The following NBL1 variants were observed in gnomAD, a reference collection of about 807,000 sequenced individuals.
The protein encoded by NBL1 is NBL1, DAN family BMP antagonist.
A neutral mutation model predicts 16.0 loss-of-function variants in NBL1; 9 were observed. The ratio of observed to expected loss-of-function variants is 0.56; its 90% CI spans 0.34 to 0.98. NBL1 has a LOEUF of 0.98. Among genes scored for constraint, NBL1 ranks in the 50% least tolerant of loss-of-function variants. NBL1 has a pLI of 0.02. For synonymous variants in NBL1, 86 were observed against 100.7 expected (o/e 0.85, Z 0.87); for missense variants, 196 against 243.1 (o/e 0.81, Z 1.29).
In NBL1 at chr1:19,657,372, G is replaced by GT. The variant is rs1553315040; in HGVS notation, c.*243_*244insT. On this transcript the variant is annotated 3_prime_UTR_variant, in exon 4 of 4. Coordinates refer to ENST00000375136, the MANE Select transcript of NBL1 (RefSeq NM_005380.8). ...AGAGGTCTTCAGGGCTCTTTTTTTG[G>GT]GGGGGGTGGTCTCTTCCTGTCTGGC... The GT allele has an allele frequency of 1.5e-5, 4 of 262,884 alleles. No homozygotes were observed. In the East Asian group the frequency reaches 2.6e-4, roughly 17 times the overall value. The allele number at this position is 262,884 out of a possible 1,614,324, so 16.3% of individuals were successfully genotyped here. A position where few individuals can be genotyped will look rare whatever the true frequency, so the allele number is the denominator to read the frequency against.
rs1021552803 is a variant in NBL1 at position 19,657,835 on chromosome 1, G to A, written c.*706G>A. On this transcript the variant is annotated 3_prime_UTR_variant, in exon 4 of 4. Transcript: ENST00000375136. ...GGAGGAGGGGAAGAAGGAAAGGGAA[G>A]AGTCTTCCAAGGCCAGAAGGAGGGG... The A allele has an allele frequency of 1.3e-5, 2 of 152,864 alleles. No homozygotes were observed. The highest frequency in any genetic ancestry group is 1.5e-5 in the Non-Finnish European group (1 of 68,210). 9.5% of individuals were successfully genotyped at this position (152,864 alleles called of 1,614,324 possible).
At chr1:19,645,199 G>T (rs1318011094) in intron 1 of NBL1, among the ~76,000 whole-genome samples, 2 of 152,178 alleles carry the variant, frequency 1.3e-5, no homozygotes, top group Non-Finnish European at 2.9e-5. Context: ...CCTCCCGCCG[G>T]CCCCGAGGCC....
At position 19,657,767 on chromosome 1, in the gene NBL1, C is replaced by G. The variant is rs145783966; in HGVS notation, c.*638C>G. On this transcript the variant is annotated 3_prime_UTR_variant, in exon 4 of 4. Coordinates refer to ENST00000375136, the MANE Select transcript of NBL1 (RefSeq NM_005380.8). Reference sequence around the variant, plus strand: ...CGCGGGAGCTGGGAGCCAGGCTCTCCGGGCCTTTCTCTGGCTTCCTTGGCT... The same window carrying G: ...CGCGGGAGCTGGGAGCCAGGCTCTCGGGGCCTTTCTCTGGCTTCCTTGGCT... 6.5e-6 allele frequency: 1 copy of G among 152,828 alleles called. No individual in the cohort carries two copies. Among genetic ancestry groups the G allele is most frequent in the Non-Finnish European group, 1.5e-5 (1 of 68,242 alleles). The allele number at this position is 152,828 out of a possible 1,614,324, so 9.5% of individuals were successfully genotyped here. A position where few individuals can be genotyped will look rare whatever the true frequency, so the allele number is the denominator to read the frequency against.
chr1:19,652,461 C>CA (rs1553314010), intron 1 of NBL1, among the ~76,000 whole-genome samples: 10 of 151,822 alleles, frequency 6.6e-5, no homozygotes, highest in Non-Finnish European at 1.3e-4. Flanking sequence ...TGGGAGGCGG[C>CA]GGGGGGGCAG....
At position 19,644,978 on chromosome 1, in the gene NBL1, T is replaced by C. The variant is rs77787313; in HGVS notation, c.-20+532T>C. Among the ~76,000 whole-genome samples, 554 of 152,258 alleles carry C rather than the reference T, an allele frequency of 3.6e-3. 5 individuals carry two copies. The highest frequency in any genetic ancestry group is 0.01 in the African/African-American group (423 of 41,562). ...TTCCGTTCCCCGCCTGCCTCCGTGTTCGGCTGCCCGCGTTTGTGTCTCTGC... is the reference window on the plus strand; with the variant it reads ...TTCCGTTCCCCGCCTGCCTCCGTGTCCGGCTGCCCGCGTTTGTGTCTCTGC... On this transcript the variant is annotated intron_variant, in intron 1 of 3. Transcript: ENST00000375136. This position sits in a 1 kb window ranked among gnomAD's most constrained non-coding sequence, Gnocchi z 4.6.
chr1:19,656,963 C>A lies in NBL1; in HGVS notation c.380C>A (p.Pro127His). 6.2e-7 allele frequency: 1 copy of A among 1,611,930 alleles called. No individual in the cohort carries two copies. The highest frequency in any genetic ancestry group is 1.1e-5 in the South Asian group (1 of 90,636). The part of the protein sequence containing the change: ...HCSCQACGKE[P>H]SHEGLSVYVQ... ...AGCTGCCAGGCCTGCGGCAAGGAGC[C>A]TAGTCACGAGGGGCTGAGCGTCTAT... The change falls in exon 4 of 4, where the codon CCT becomes CAT. Residue 127 changes from proline to histidine, a missense_variant. Physicochemically the swap from Pro to His is moderately conservative, Grantham distance 77 (BLOSUM62 -2). Transcript: ENST00000375136.
chr1:19,646,268 A>G (rs572905251), intron 1 of NBL1, among the ~76,000 whole-genome samples: 1 of 152,302 alleles, frequency 6.6e-6, no homozygotes, highest in East Asian at 1.9e-4. Context: ...TCCCTGGGGG[A>G]TCTGCTGAAA....
At chr1:19,644,056 G>A (rs2094962229), upstream of NBL1, 1 of 977,482 alleles carries the variant, frequency 1.0e-6, no homozygotes, top group Non-Finnish European at 1.2e-6. The surrounding 1 kb of genome is among the most constrained non-coding windows in gnomAD (Gnocchi z 4.6). Context: ...CTCGGGCGCC[G>A]GCCAGGCGTC....
At chr1:19,647,882 TGC>T (rs1553313284) in intron 1 of NBL1, among the ~76,000 whole-genome samples, 32 of 137,184 alleles carry the variant, frequency 2.3e-4, no homozygotes, top group Admixed American at 6.4e-4. Flanking sequence ...TGTGTGTGTG[TGC>T]GTGTGCGCGC....
intron 1 of NBL1, among the ~76,000 whole-genome samples, chr1:19,654,672 T>C (rs1433775955): frequency 6.6e-6 from 1 of 152,128 alleles, no homozygotes; most frequent in Non-Finnish European, 1.5e-5. Context: ...CATCTCCCCT[T>C]TTTAGATGAA....
intron 3 of NBL1, among the ~76,000 whole-genome samples, chr1:19,655,875 A>C (rs1157409971): frequency 5.9e-5 from 9 of 152,042 alleles, no homozygotes; most frequent in Non-Finnish European, 1.0e-4. Context: ...CTTCTACCCC[A>C]GGGCCCTTGC....
chr1:19,655,715 A>G (rs779728799), intron 3 of NBL1, among the ~76,000 whole-genome samples: 9 of 152,212 alleles, frequency 5.9e-5, no homozygotes, highest in Non-Finnish European at 8.8e-5. Context: ...CTGTTGTTAT[A>G]GGATGAGACC....
At chr1:19,651,974 T>C (rs2254885) in intron 1 of NBL1, among the ~76,000 whole-genome samples, 151,667 of 152,354 alleles carry the variant, frequency 1, 75,491 homozygotes, top group East Asian at 1. Context: ...GACTCCTGAG[T>C]TCAAGTGGTC....
chr1:19,652,022 T>A (rs1458205244), intron 1 of NBL1, among the ~76,000 whole-genome samples: 3 of 152,082 alleles, frequency 2.0e-5, no homozygotes, highest in Non-Finnish European at 4.4e-5. Flanking sequence ...GAATTACAGG[T>A]GTGAGCCACC....
intron 1 of NBL1, chr1:19,645,918 G>T: frequency 6.5e-7 from 1 of 1,549,898 alleles, no homozygotes; most frequent in South Asian, 1.2e-5. Context: ...CAGGGTTGTT[G>T]GTGAGGTCTG....
intron 1 of NBL1, among the ~76,000 whole-genome samples, chr1:19,648,105 A>G (rs1423235682): frequency 1.3e-5 from 2 of 151,828 alleles, no homozygotes; most frequent in African/African-American, 4.8e-5. Flanking sequence ...TTCAGACTTA[A>G]CCCAGAAGAG....
intron 1 of NBL1, among the ~76,000 whole-genome samples, chr1:19,651,533 C>G (rs2095025532): frequency 6.6e-6 from 1 of 152,196 alleles, no homozygotes; most frequent in Non-Finnish European, 1.5e-5. Flanking sequence ...CCCAGTAAGC[C>G]TCCATTAGCC....
At chr1:19,655,700 G>A (rs1008378754) in intron 3 of NBL1, among the ~76,000 whole-genome samples, 1 of 152,198 alleles carries the variant, frequency 6.6e-6, no homozygotes, top group Non-Finnish European at 1.5e-5. Context: ...CCTTTCAGGG[G>A]CTTCCTGTTG....
chr1:19,653,074 T>G (rs1376920527), intron 1 of NBL1, among the ~76,000 whole-genome samples: 2 of 151,298 alleles, frequency 1.3e-5, no homozygotes, highest in Non-Finnish European at 2.9e-5. Flanking sequence ...GATCACGAGG[T>G]CAGGAGATCG....
Sources: gnomAD v4.1 joint callset for allele counts (sites outside exome capture counted in the v4.1 genomes callset) on GRCh38, gnomAD v4.1.1 for gene constraint, Gnocchi (gnomAD v3.1) non-coding constraint, MANE v1.5 for transcripts, NCBI Gene and HGNC (gene_info 2026-07-23, HGNC 2026-07-21) for gene names.